DNAJB4: variants seen among roughly 807,000 people sequenced by gnomAD.
DNAJB4 encodes DnaJ heat shock protein family (Hsp40) member B4.
In DNAJB4, 10 loss-of-function variants were observed where a neutral mutation model predicts 26.6. That is an observed-to-expected ratio of 0.38 (90% confidence interval 0.23 to 0.64). DNAJB4 has a LOEUF of 0.64. DNAJB4 is among the 30% of genes least tolerant of loss of function. The probability of loss-of-function intolerance (pLI) is 0.58; values close to 1 mark genes in which losing one functional copy is unlikely to be tolerated. For synonymous variants in DNAJB4, 136 were observed against 134.8 expected (o/e 1.01, Z -0.06); for missense variants, 328 against 408.2 (o/e 0.80, Z 1.69).
chr1:77,995,636 T>G (rs1375885146), intron 1 of DNAJB4, among the ~76,000 whole-genome samples: 1 of 152,194 alleles, frequency 6.6e-6, no homozygotes, highest in African/African-American at 2.4e-5. Context: ...TTATTTTTTG[T>G]AGATACGAGG....
At chr1:77,990,040 A>G (rs1479537503) in intron 1 of DNAJB4, among the ~76,000 whole-genome samples, 1 of 152,164 alleles carries the variant, frequency 6.6e-6, no homozygotes, top group Admixed American at 6.5e-5. Context: ...ACTGTGATTG[A>G]TTTAAATCAA....
intron 1 of DNAJB4, among the ~76,000 whole-genome samples, chr1:77,980,937 T>C (rs1659606646): frequency 2.0e-5 from 3 of 152,196 alleles, no homozygotes; most frequent in African/African-American, 4.8e-5. Flanking sequence ...TCATAATGTA[T>C]AGAAAAACAG....
intron 1 of DNAJB4, among the ~76,000 whole-genome samples, chr1:77,988,396 G>A (rs1299899381): frequency 2.6e-5 from 4 of 152,118 alleles, no homozygotes; most frequent in Non-Finnish European, 4.4e-5. Flanking sequence ...TATCATTCGC[G>A]TAAAACTCTC....
At chr1:77,998,809 A>G (rs1660124982) in intron 1 of DNAJB4, among the ~76,000 whole-genome samples, 1 of 151,744 alleles carries the variant, frequency 6.6e-6, no homozygotes, top group South Asian at 2.1e-4. Flanking sequence ...TCAGGAACAC[A>G]ATCAGCCTGG....
chr1:78,014,228 C>A (rs1437627275), intron 2 of DNAJB4, among the ~76,000 whole-genome samples: 1 of 151,740 alleles, frequency 6.6e-6, no homozygotes, highest in East Asian at 1.9e-4. Flanking sequence ...TTGCCTCGGC[C>A]TCCTAAGTAG....
intron 2 of DNAJB4, among the ~76,000 whole-genome samples, 175 bp from the exon 3 acceptor site, chr1:78,015,839 G>A (rs915499424): frequency 3.3e-5 from 5 of 151,842 alleles, no homozygotes; most frequent in African/African-American, 4.8e-5. Flanking sequence ...GTGAGCCACC[G>A]TGCCTGACCT....
intron 1 of DNAJB4, among the ~76,000 whole-genome samples, chr1:77,986,053 A>G (rs768435380): frequency 3.3e-5 from 5 of 152,182 alleles, no homozygotes; most frequent in Non-Finnish European, 5.9e-5. Flanking sequence ...CAGATAGATC[A>G]TTCATTCATT....
At chr1:78,003,575 C>T (rs1055605889), upstream of DNAJB4, among the ~76,000 whole-genome samples, 1 of 152,232 alleles carries the variant, frequency 6.6e-6, no homozygotes, top group South Asian at 2.1e-4. Context: ...CATATATGTA[C>T]ATTTTCTTTT....
intron 1 of DNAJB4, among the ~76,000 whole-genome samples, chr1:78,012,137 TATTTTC>T (rs1399226327): frequency 1.4e-5 from 2 of 146,782 alleles, no homozygotes; most frequent in African/African-American, 5.0e-5. Flanking sequence ...TTCCCAGTTT[TATTTTC>T]TTTTTCTTTT....
chr1:78,004,587 T>G (rs1006786526), upstream of DNAJB4: 1 of 152,736 alleles, frequency 6.5e-6, no homozygotes, highest in Non-Finnish European at 1.5e-5. Context: ...TATCTGTATA[T>G]TAACTTTAAC....
intron 1 of DNAJB4, chr1:77,981,352 T>G (rs1313513896): frequency 6.6e-6 from 1 of 151,732 alleles, no homozygotes; most frequent in Admixed American, 6.6e-5. Flanking sequence ...GGACTCACCC[T>G]GTCACCCAGA....
intron 1 of DNAJB4, among the ~76,000 whole-genome samples, chr1:78,009,461 C>T (rs1029674455): frequency 2.6e-5 from 4 of 152,208 alleles, no homozygotes; most frequent in Non-Finnish European, 5.9e-5. Flanking sequence ...CTTGCTAAAT[C>T]ATAGGCAAAT....
intron 1 of DNAJB4, among the ~76,000 whole-genome samples, chr1:78,009,107 AT>A (rs935836981): frequency 1.3e-5 from 2 of 151,910 alleles, no homozygotes; most frequent in East Asian, 1.9e-4. Context: ...AGCTAGCTGG[AT>A]TTTTTTTAAT....
intron 1 of DNAJB4, among the ~76,000 whole-genome samples, chr1:77,996,992 G>C (rs2102597991): frequency 6.6e-6 from 1 of 152,254 alleles, no homozygotes; most frequent in East Asian, 1.9e-4. Context: ...TGGCCAGGAA[G>C]CTTACAGATT....
intron 2 of DNAJB4, 73 bp downstream of exon 2, chr1:78,013,692 T>A: frequency 8.4e-7 from 1 of 1,190,004 alleles, no homozygotes; most frequent in Non-Finnish European, 1.2e-6. Context: ...ATCTAGATAA[T>A]AGCTAACATT....
chr1:78,007,876 C>T (rs766350680), intron 1 of DNAJB4, among the ~76,000 whole-genome samples: 3 of 152,116 alleles, frequency 2.0e-5, no homozygotes, highest in South Asian at 2.1e-4. Flanking sequence ...TCCTTCTTCC[C>T]GCTCCCCCCA....
chr1:77,983,373 A>C (rs1342086092), intron 1 of DNAJB4, among the ~76,000 whole-genome samples: 2 of 152,086 alleles, frequency 1.3e-5, no homozygotes, highest in African/African-American at 2.4e-5. Flanking sequence ...CAACTGCAAG[A>C]GGCATGCCTT....
At chr1:77,992,755 GTCTC>G (rs1030676289) in intron 1 of DNAJB4, 3 of 151,998 alleles carry the variant, frequency 2.0e-5, no homozygotes, top group African/African-American at 7.3e-5. Context: ...TTGAGACAGA[GTCTC>G]TGTTGCCCAG....
intron 1 of DNAJB4, among the ~76,000 whole-genome samples, chr1:77,980,954 C>T (rs1659608662): frequency 6.6e-6 from 1 of 152,084 alleles, no homozygotes; most frequent in Admixed American, 6.5e-5. Context: ...ACAGTAAAAG[C>T]AGTGTTGGGT....
Sources: allele counts gnomAD v4.1 joint callset (sites outside exome capture counted in the v4.1 genomes callset), GRCh38; gene constraint gnomAD v4.1.1; transcripts MANE v1.5; gene names NCBI Gene and HGNC (gene_info 2026-07-23, HGNC 2026-07-21).